PKP2: variants seen among roughly 807,000 people sequenced by gnomAD.
The protein encoded by PKP2 is plakophilin-2.
In PKP2, 73 loss-of-function variants were observed where a neutral mutation model predicts 83.4. That is an observed-to-expected ratio of 0.88 (90% confidence interval 0.72 to 1.06). PKP2 has a LOEUF of 1.06. Ranked by LOEUF, PKP2 falls within the 50% of genes least tolerant of loss-of-function variation. The pLI is 0.00. For missense variants in PKP2, 966 were observed against 1,065.4 expected (o/e 0.91, Z 1.30); for synonymous variants, 409 against 430.4 (o/e 0.95, Z 0.62).
chr12:32,852,877 T>A (rs1397998300), intron 4 of PKP2, among the ~76,000 whole-genome samples: 2 of 151,882 alleles, frequency 1.3e-5, no homozygotes, highest in South Asian at 2.1e-4. Context: ...AGGTCAGGAG[T>A]TCGAGACCAG....
rs145028515 is a variant in PKP2, at chr12:32,892,639, A to G, written c.223+3870T>C. The stretch of plus-strand genomic sequence containing the variant: ...CCCAGAATTCACTTTGATCACAGAT[A>G]TTGAAAAGCAGCTTCACCAAGGAAA... On this transcript the variant is annotated intron_variant, in intron 1 of 12. Coordinates refer to ENST00000340811, the MANE Select transcript of PKP2 (RefSeq NM_001005242.3). 8.5e-5 allele frequency among the ~76,000 whole-genome samples: 13 copies of G among 152,192 alleles called. No individual in the cohort carries two copies. The East Asian group carries it at 2.5e-3, about 29-fold the overall frequency.
chr12:32,816,656 A>G (rs1437797537), intron 9 of PKP2, among the ~76,000 whole-genome samples: 1 of 152,044 alleles, frequency 6.6e-6, no homozygotes, highest in African/African-American at 2.4e-5. Flanking sequence ...TCTCTGAGAA[A>G]CCTCCAAACT....
At chr12:32,834,008 T>C (rs1484968704) in intron 6 of PKP2, among the ~76,000 whole-genome samples, 1 of 152,208 alleles carries the variant, frequency 6.6e-6, no homozygotes, top group African/African-American at 2.4e-5. Context: ...GGTGATGACC[T>C]AATGATAGAA....
chr12:32,895,192 C>CATATACATATATATATAT (rs1304898220), intron 1 of PKP2, among the ~76,000 whole-genome samples: 35 of 150,176 alleles, frequency 2.3e-4, no homozygotes, highest in African/African-American at 8.5e-4. Flanking sequence ...TTTTTAAATA[C>CATATACATATATATATAT]ATATATATAT....
intron 1 of PKP2, among the ~76,000 whole-genome samples, chr12:32,880,395 T>C (rs1389880023): frequency 6.6e-6 from 1 of 152,036 alleles, no homozygotes; most frequent in African/African-American, 2.4e-5. Flanking sequence ...GCAAGACTCC[T>C]GTCTCAAAAA....
At chr12:32,830,085 G>T (rs1188486533) in intron 6 of PKP2, among the ~76,000 whole-genome samples, 1 of 152,182 alleles carries the variant, frequency 6.6e-6, no homozygotes, top group East Asian at 1.9e-4. Flanking sequence ...AAATTATATG[G>T]TAAGACTCTA....
rs112877700 is a variant in PKP2, at chr12:32,843,104, T to C, written c.1379-1899A>G. ...AAGTGATTCTCCTGCCTCAGTCTCC[T>C]GAGTAGCTGGGATTACAGGCGCAGA... is the stretch of plus-strand genomic sequence containing the variant. On this transcript the variant is annotated intron_variant, in intron 5 of 12. Coordinates refer to ENST00000340811, the MANE Select transcript of PKP2 (RefSeq NM_001005242.3). 62,847 of 385,606 alleles carry C rather than the reference T, an allele frequency of 0.16. 5,729 individuals are homozygous for C. The highest frequency in any genetic ancestry group is 0.2 in the Non-Finnish European group (38,732 of 192,262). The allele number at this position is 385,606 out of a possible 1,614,324, so 23.9% of individuals were successfully genotyped here.
At chr12:32,879,163 G>A (rs891251466) in intron 1 of PKP2, 131 bp from the exon 2 acceptor site, 12 of 685,282 alleles carry the variant, frequency 1.8e-5, no homozygotes, top group South Asian at 3.1e-5. Context: ...TTAAACGTAC[G>A]TTAATGTTTT....
intron 6 of PKP2, chr12:32,824,432 T>G: frequency 2.3e-6 from 1 of 430,622 alleles, no homozygotes; most frequent in Non-Finnish European, 4.3e-6. Flanking sequence ...TTACTTAATC[T>G]TCACTCCATT....
chr12:32,868,770 C>A (rs1956871071), intron 4 of PKP2, among the ~76,000 whole-genome samples, 157 bp downstream of exon 4: 1 of 152,212 alleles, frequency 6.6e-6, no homozygotes, highest in Non-Finnish European at 1.5e-5. Context: ...GATCCACCTG[C>A]CTCGGCCTCC....
Position 32,878,626 on chromosome 12 carries a change from C to T in PKP2, c.337-83G>A, listed in dbSNP as rs976154810. 40 of 1,078,538 alleles carry T rather than the reference C, an allele frequency of 3.7e-5. No homozygotes were observed. In the African/African-American group the frequency reaches 6.1e-4, roughly 17 times the overall value. 66.8% of individuals were successfully genotyped at this position (1,078,538 alleles called of 1,614,324 possible). A position where few individuals can be genotyped will look rare whatever the true frequency, so the allele number is the denominator to read the frequency against. On this transcript the variant is annotated intron_variant, in intron 2 of 12. Coordinates refer to ENST00000340811, the MANE Select transcript of PKP2 (RefSeq NM_001005242.3). The stretch of plus-strand genomic sequence containing the variant: ...AGGACTAATTACTCTGGGACTATTA[C>T]CCAACATGTCCGTTTCTCTGAATCA...
intron 4 of PKP2, among the ~76,000 whole-genome samples, chr12:32,859,275 T>A (rs1037673654): frequency 6.6e-6 from 1 of 152,224 alleles, no homozygotes; most frequent in South Asian, 2.1e-4. Context: ...ATAGAATTAA[T>A]GTAAGAGACT....
At chr12:32,817,808 C>T (rs1475473630) in intron 9 of PKP2, among the ~76,000 whole-genome samples, 4 of 152,250 alleles carry the variant, frequency 2.6e-5, no homozygotes, top group Middle Eastern at 3.4e-3. Flanking sequence ...GATCCCAACC[C>T]CCGGGTCACA....
chr12:32,805,807 T>G (rs967741669), intron 9 of PKP2, among the ~76,000 whole-genome samples: 1 of 152,244 alleles, frequency 6.6e-6, no homozygotes, highest in Non-Finnish European at 1.5e-5. Flanking sequence ...CAATTCCATA[T>G]GAATTTTAAA....
chr12:32,810,213 A>G (rs372745630), intron 9 of PKP2, among the ~76,000 whole-genome samples: 5 of 152,182 alleles, frequency 3.3e-5, no homozygotes, highest in Admixed American at 6.5e-5. Flanking sequence ...ATTCAGAATC[A>G]TTTTGGCCAT....
At chr12:32,847,738 T>A (rs1956659755) in intron 5 of PKP2, among the ~76,000 whole-genome samples, 1 of 152,190 alleles carries the variant, frequency 6.6e-6, no homozygotes, top group Non-Finnish European at 1.5e-5. Flanking sequence ...CCTATTCCTT[T>A]TTTAAGGTCC....
chr12:32,821,212 G>A (rs1292805529), intron 9 of PKP2, 144 bp downstream of exon 9: 8 of 770,776 alleles, frequency 1.0e-5, no homozygotes, highest in South Asian at 6.4e-5. Context: ...AGCTGAGACC[G>A]AAGCCCTCTG....
Position 32,841,167 on chromosome 12 carries a change from T to C in PKP2, c.1417A>G (p.Asn473Asp), listed in dbSNP as rs1295409734. ...WNLSSNDKLK[N>D]LMITEALLTL... Reference sequence around the variant, plus strand: ...AGCAATGCTTCTGTTATCATGAGATTCTTGAGTTTGTCATTAGATGACAAA... The same window carrying C: ...AGCAATGCTTCTGTTATCATGAGATCCTTGAGTTTGTCATTAGATGACAAA... The change falls in exon 6 of 13, where the codon AAT (asparagine) becomes GAT (aspartate). Residue 473 changes from asparagine (N) to aspartate (D), a missense_variant. Coordinates refer to ENST00000340811, the MANE Select transcript of PKP2 (RefSeq NM_001005242.3). The C allele has an allele frequency of 6.2e-7, 1 of 1,613,766 alleles. No individual in the cohort carries two copies. Among genetic ancestry groups the C allele is most frequent in the Non-Finnish European group, 8.5e-7 (1 of 1,179,696 alleles).
chr12:32,878,130 G>A lies in PKP2; in HGVS notation c.750C>T (p.Arg250=), dbSNP rs1327751203. The A allele has an allele frequency of 7.4e-6, 12 of 1,614,248 alleles. No individual in the cohort carries two copies. Among genetic ancestry groups the A allele is most frequent in the Non-Finnish European group, 9.3e-6 (11 of 1,180,038 alleles). Residue 250 remains arginine, a synonymous_variant, in exon 3 of 13, where the codon CGC becomes CGT. Coordinates refer to ENST00000340811, the MANE Select transcript of PKP2 (RefSeq NM_001005242.3). ...LLTYPRPGTS[R]SMGNLLEKEN... ...CCTTCTCCAAGAGGTTGCCCATGCT[G>A]CGGCTGGTCCCTGGCCTGGGGTACG...
Sources: gnomAD v4.1 joint callset for allele counts (sites outside exome capture counted in the v4.1 genomes callset) on GRCh38, gnomAD v4.1.1 for gene constraint, MANE v1.5 for transcripts, NCBI Gene and HGNC (gene_info 2026-07-23, HGNC 2026-07-21) for gene names.